LAMA2: variants seen among roughly 807,000 people sequenced by gnomAD.
LAMA2 encodes the protein laminin subunit alpha 2.
In LAMA2, 269 loss-of-function variants were observed where a neutral mutation model predicts 364.8. The ratio of observed to expected loss-of-function variants is 0.74; its 90% CI spans 0.67 to 0.82. The LOEUF (loss-of-function observed/expected upper bound fraction) is 0.82. LAMA2 is among the 40% of genes least tolerant of loss of function. LAMA2 has a pLI of 0.00. For synonymous variants in LAMA2, 1,379 were observed against 1,370.6 expected, an observed-to-expected ratio of 1.01 and a Z score of -0.14; for missense variants, 3,807 against 3,873.2, an observed-to-expected ratio of 0.98 and a Z score of 0.45.
chr6:129,366,461 A>G (rs1343226008), intron 33 of LAMA2, 100 bp downstream of exon 33: 7 of 1,304,722 alleles, frequency 5.4e-6, no homozygotes, highest in East Asian at 2.4e-5. Context: ...CACAGCCCCA[A>G]ATCAAGGGAC....
At chr6:129,196,258 C>T (rs1457537222) in intron 12 of LAMA2, among the ~76,000 whole-genome samples, 1 of 152,134 alleles carries the variant, frequency 6.6e-6, no homozygotes, top group Non-Finnish European at 1.5e-5. Flanking sequence ...CTGGTAAACT[C>T]TTTTGTTTTG....
chr6:129,214,914 C>T (rs1181168172), intron 12 of LAMA2, among the ~76,000 whole-genome samples: 1 of 152,084 alleles, frequency 6.6e-6, no homozygotes, highest in Middle Eastern at 3.2e-3. Context: ...ACATGGAATA[C>T]CTCTCCATTT....
intron 12 of LAMA2, among the ~76,000 whole-genome samples, chr6:129,206,147 A>AGGAG (rs1782660463): frequency 1.5e-5 from 2 of 131,468 alleles, no homozygotes; most frequent in East Asian, 4.2e-4. Flanking sequence ...GAAGGAAGGA[A>AGGAG]GGAAGGAAGG....
intron 3 of LAMA2, among the ~76,000 whole-genome samples, chr6:129,080,066 T>C (rs1773940868): frequency 6.6e-6 from 1 of 152,152 alleles, no homozygotes; most frequent in Non-Finnish European, 1.5e-5. Context: ...TAGACACATT[T>C]TTATCTCCAG....
intron 34 of LAMA2, among the ~76,000 whole-genome samples, chr6:129,374,296 G>A (rs555270352): frequency 6.6e-6 from 1 of 152,290 alleles, no homozygotes; most frequent in East Asian, 1.9e-4. Flanking sequence ...GAATGATCCT[G>A]CAGTTGTGAC....
intron 7 of LAMA2, among the ~76,000 whole-genome samples, chr6:129,150,354 C>T (rs929551908): frequency 1.2e-4 from 18 of 152,232 alleles, no homozygotes; most frequent in Non-Finnish European, 1.9e-4. Flanking sequence ...TGTTTGCTCT[C>T]GAGCTCCTTT....
intron 60 of LAMA2, 25 bp from the exon 61 acceptor site, chr6:129,505,175 T>A (rs1785954775): frequency 1.2e-6 from 2 of 1,607,888 alleles, no homozygotes; most frequent in Non-Finnish European, 1.7e-6. Flanking sequence ...AGGATTGGCA[T>A]TAATGACTCC....
chr6:128,900,469 G>A (rs1582630263), intron 1 of LAMA2, among the ~76,000 whole-genome samples: 1 of 152,140 alleles, frequency 6.6e-6, no homozygotes, highest in East Asian at 1.9e-4. Flanking sequence ...TAACTTTTAG[G>A]AAGGAACACT....
chr6:128,922,148 A>G (rs1162300119), intron 1 of LAMA2, among the ~76,000 whole-genome samples: 1 of 152,096 alleles, frequency 6.6e-6, no homozygotes, highest in African/African-American at 2.4e-5. Context: ...TGCTATTGTG[A>G]AAAATGCCAC....
In LAMA2 at chr6:129,507,598, C is replaced by G; in HGVS notation, c.8813C>G (p.Ala2938Gly). Residue 2938 changes from alanine to glycine, a missense_variant, in exon 62 of 65, where the codon GCT (alanine) becomes GGT (glycine). By Grantham distance (60) the Ala-to-Gly change is moderately conservative. Coordinates refer to ENST00000421865, the MANE Select transcript of LAMA2 (RefSeq NM_000426.4). ...CATGTTGGGACATGTTTTGCAAATG[C>G]TCAGAGGGGAACATATTTTGACGGA... The part of the protein sequence containing the change: ...SFHVGTCFAN[A>G]QRGTYFDGTG... The G allele has an allele frequency of 6.2e-7, 1 of 1,614,134 alleles. No homozygotes were observed. The highest frequency in any genetic ancestry group is 8.5e-7 in the Non-Finnish European group (1 of 1,179,996).
At chr6:129,296,576 C>T (rs991985646) in intron 20 of LAMA2, among the ~76,000 whole-genome samples, 3 of 151,900 alleles carry the variant, frequency 2.0e-5, no homozygotes, top group Non-Finnish European at 4.4e-5. Flanking sequence ...ACTTTTATAA[C>T]TTATTTTTAA....
chr6:129,262,200 T>G (rs1158330508), intron 15 of LAMA2, among the ~76,000 whole-genome samples: 1 of 152,176 alleles, frequency 6.6e-6, no homozygotes, highest in Non-Finnish European at 1.5e-5. Context: ...TTTCAATACA[T>G]TCTAGATATG....
intron 3 of LAMA2, among the ~76,000 whole-genome samples, chr6:129,092,345 C>T (rs2114861670): frequency 6.6e-6 from 1 of 152,232 alleles, no homozygotes; most frequent in East Asian, 1.9e-4. Context: ...ATAAAGATTC[C>T]CAGATTATTC....
At chr6:129,431,750 G>A (rs936277886) in intron 41 of LAMA2, among the ~76,000 whole-genome samples, 1 of 152,150 alleles carries the variant, frequency 6.6e-6, no homozygotes, top group African/African-American at 2.4e-5. Context: ...AGAACAGTAT[G>A]AAACATTATT....
intron 14 of LAMA2, among the ~76,000 whole-genome samples, chr6:129,256,632 C>G (rs1403686119): frequency 6.6e-6 from 1 of 151,516 alleles, no homozygotes; most frequent in African/African-American, 2.4e-5. Context: ...CTTGTGTTAG[C>G]ATTTAATACA....
intron 1 of LAMA2, among the ~76,000 whole-genome samples, chr6:128,898,867 C>T (rs542919271): frequency 1.2e-4 from 18 of 151,828 alleles, no homozygotes; most frequent in East Asian, 1.9e-4. Context: ...ACTTTTTTTC[C>T]GTCTCAAGGC....
intron 40 of LAMA2, among the ~76,000 whole-genome samples, chr6:129,407,968 T>C (rs117233949): frequency 6.6e-6 from 1 of 152,300 alleles, no homozygotes; most frequent in East Asian, 1.9e-4. Context: ...CCTGTTGACT[T>C]GGAGGTAGGA....
intron 41 of LAMA2, among the ~76,000 whole-genome samples, chr6:129,430,215 T>C (rs1158696304): frequency 2.0e-5 from 3 of 152,204 alleles, no homozygotes; most frequent in Non-Finnish European, 4.4e-5. Context: ...AGCAAAACTC[T>C]TGACAGCAGC....
chr6:129,029,738 G>A (rs1022462352), intron 1 of LAMA2, among the ~76,000 whole-genome samples: 35 of 152,064 alleles, frequency 2.3e-4, no homozygotes, highest in African/African-American at 8.2e-4. Context: ...GAAATTGAGG[G>A]AAACTATGGA....
Sources: allele counts gnomAD v4.1 joint callset (sites outside exome capture counted in the v4.1 genomes callset), GRCh38; gene constraint gnomAD v4.1.1; transcripts MANE v1.5; gene names NCBI Gene and HGNC (gene_info 2026-07-23, HGNC 2026-07-21).